KCNK2: variants seen among roughly 807,000 people sequenced by gnomAD.
The protein encoded by KCNK2 is potassium two pore domain channel subfamily K member 2, also known as potassium channel subfamily K member 2.
KCNK2 carries 21 observed loss-of-function variants against 40.5 expected under a neutral mutation model. That is an observed-to-expected ratio of 0.52 (90% CI 0.37 to 0.75). The LOEUF (loss-of-function observed/expected upper bound fraction) is 0.75, where lower values mean the gene tolerates loss of function less well. KCNK2 is among the 30% of genes least tolerant of loss of function. The pLI is 0.00. For synonymous variants in KCNK2, 191 were observed against 202.2 expected, an observed-to-expected ratio of 0.94 and a Z score of 0.47; for missense variants, 399 against 531.6, an observed-to-expected ratio of 0.75 and a Z score of 2.45.
chr1:215,029,581 TATAA>T (rs1449861099), intron 1 of KCNK2, among the ~76,000 whole-genome samples: 1 of 147,032 alleles, frequency 6.8e-6, no homozygotes, highest in Non-Finnish European at 1.5e-5. Flanking sequence ...AATATATAAA[TATAA>T]ATATTTGATA....
At chr1:215,220,496 A>T (rs372291299) in intron 6 of KCNK2, among the ~76,000 whole-genome samples, 7 of 152,250 alleles carry the variant, frequency 4.6e-5, no homozygotes, top group South Asian at 2.1e-4. Context: ...CCTTGAGTAG[A>T]CATTCTTCTC....
chr1:215,235,021 T>A lies in KCNK2; in HGVS notation c.1157T>A (p.Val386Glu), dbSNP rs1180389999. 1 of 1,614,050 alleles carries A rather than the reference T, an allele frequency of 6.2e-7. No homozygotes were observed. Among genetic ancestry groups the A allele is most frequent in the Admixed American group, 1.7e-5 (1 of 60,012 alleles). Residue 386 changes from valine to glutamate, a missense_variant, in exon 7 of 7, where the codon GTG becomes GAG. Physicochemically the swap from Val to Glu is moderately radical, Grantham distance 121. Coordinates refer to ENST00000444842, the MANE Select transcript of KCNK2 (RefSeq NM_001017425.3). Reference protein sequence around the residue: ...ELTPCRRTLSVNHLTSERDVL... With the variant: ...ELTPCRRTLSENHLTSERDVL... Reference sequence around the variant, plus strand: ...ACTCCTTGTAGGAGGACCCTGTCAGTGAACCACCTGACCAGCGAGAGGGAT... The same window carrying A: ...ACTCCTTGTAGGAGGACCCTGTCAGAGAACCACCTGACCAGCGAGAGGGAT...
chr1:215,118,477 T>C (rs1390239174), intron 2 of KCNK2, among the ~76,000 whole-genome samples: 1 of 152,156 alleles, frequency 6.6e-6, no homozygotes, highest in Non-Finnish European at 1.5e-5. Flanking sequence ...TGGTCACATG[T>C]AGTGTTGTGG....
At chr1:215,006,960 C>T (rs1483691074) in intron 1 of KCNK2, among the ~76,000 whole-genome samples, 1 of 137,596 alleles carries the variant, frequency 7.3e-6, no homozygotes, top group African/African-American at 2.8e-5. Context: ...GTTTGTTCCA[C>T]ATTGGAAGGG....
intron 1 of KCNK2, among the ~76,000 whole-genome samples, chr1:215,047,482 T>C (rs1657817158): frequency 6.6e-6 from 1 of 152,072 alleles, no homozygotes; most frequent in African/African-American, 2.4e-5. Flanking sequence ...TAACAGAACC[T>C]AAATTTGAAC....
chr1:215,096,454 G>T (rs1659980501), intron 2 of KCNK2, among the ~76,000 whole-genome samples: 1 of 151,848 alleles, frequency 6.6e-6, no homozygotes, highest in South Asian at 2.1e-4. Flanking sequence ...GGGTGACTGG[G>T]ATATTCATAA....
rs377093417 is a variant in KCNK2, at chr1:215,044,844, TTGA to T, written c.34+38893_34+38895del. 1.1e-3 allele frequency among the ~76,000 whole-genome samples: 161 copies of T among 149,296 alleles called. 5 individuals are homozygous for T. The South Asian group carries it at 0.029, about 27-fold the overall frequency. ...GTGTGTGTGCGCGCGCACACGTGTG[TTGA>T]TGACGAGTTGGCAAGAATTTCTTAA... On this transcript the variant is annotated intron_variant, in intron 1 of 6. Coordinates refer to the KCNK2 transcript ENST00000391895.
intron 6 of KCNK2, among the ~76,000 whole-genome samples, chr1:215,223,303 G>C (rs1254536829): frequency 2.0e-5 from 3 of 147,738 alleles, no homozygotes; most frequent in Non-Finnish European, 3.0e-5. Context: ...TGAGTTGGCT[G>C]TTGGTAATTG....
intron 5 of KCNK2, among the ~76,000 whole-genome samples, chr1:215,187,524 C>T (rs928799973): frequency 4.8e-5 from 7 of 144,874 alleles, no homozygotes; most frequent in Non-Finnish European, 7.4e-5. Context: ...TCTTCTTTTA[C>T]AAAGGTCCAA....
intron 2 of KCNK2, among the ~76,000 whole-genome samples, chr1:215,113,179 A>G (rs1450057706): frequency 1.3e-5 from 2 of 152,204 alleles, no homozygotes; most frequent in East Asian, 3.9e-4. Flanking sequence ...TAAAATGTTC[A>G]CCGACGTTCA....
At chr1:215,230,066 TAG>T (rs1194522552) in intron 6 of KCNK2, among the ~76,000 whole-genome samples, 1 of 137,610 alleles carries the variant, frequency 7.3e-6, no homozygotes, top group Non-Finnish European at 1.5e-5. Flanking sequence ...GATATATATA[TAG>T]ATATATATAT....
At chr1:215,037,244 T>G (rs1657419905) in intron 1 of KCNK2, among the ~76,000 whole-genome samples, 1 of 151,936 alleles carries the variant, frequency 6.6e-6, no homozygotes, top group South Asian at 2.1e-4. Flanking sequence ...TGATTAAGAA[T>G]GATTGGTGAA....
chr1:215,076,835 C>T (rs1282467219), intron 1 of KCNK2, among the ~76,000 whole-genome samples: 1 of 152,190 alleles, frequency 6.6e-6, no homozygotes, highest in Admixed American at 6.5e-5. Context: ...CTATTTCTTG[C>T]ATTGCAATGT....
At chr1:215,007,029 A>G (rs371617263) in intron 1 of KCNK2, among the ~76,000 whole-genome samples, 5,741 of 68,148 alleles carry the variant, frequency 0.084, 453 homozygotes, top group Middle Eastern at 0.18. Context: ...ATATATATAT[A>G]TATATATATG....
intron 6 of KCNK2, among the ~76,000 whole-genome samples, chr1:215,203,726 A>G (rs1043576080): frequency 1.3e-5 from 2 of 152,064 alleles, no homozygotes; most frequent in African/African-American, 4.8e-5. Context: ...ATAGCCTAGT[A>G]AAAAAATGAA....
intron 2 of KCNK2, among the ~76,000 whole-genome samples, chr1:215,116,326 AT>A (rs956172141): frequency 5.9e-5 from 9 of 151,720 alleles, no homozygotes; most frequent in East Asian, 1.9e-4. Flanking sequence ...ACCGTGACTG[AT>A]TTTTTTTCTT....
upstream of KCNK2, among the ~76,000 whole-genome samples, chr1:215,081,431 A>G (rs768980390): frequency 6.6e-6 from 1 of 152,142 alleles, no homozygotes; most frequent in Non-Finnish European, 1.5e-5. Flanking sequence ...TTTTGAGCAC[A>G]TAAGTTGAGA....
chr1:215,023,451 A>G (rs951348566), intron 1 of KCNK2, among the ~76,000 whole-genome samples: 1 of 152,202 alleles, frequency 6.6e-6, no homozygotes, highest in Admixed American at 6.5e-5. Context: ...TCACTTCAAC[A>G]TCATTTTATA....
At chr1:215,067,469 T>A (rs907841307) in intron 1 of KCNK2, among the ~76,000 whole-genome samples, 1 of 152,068 alleles carries the variant, frequency 6.6e-6, no homozygotes, top group Non-Finnish European at 1.5e-5. Context: ...ATACTCCCAA[T>A]AATATGTGAT....
Sources: allele counts gnomAD v4.1 joint callset (sites outside exome capture counted in the v4.1 genomes callset), GRCh38; gene constraint gnomAD v4.1.1; transcripts MANE v1.5; gene names NCBI Gene and HGNC (gene_info 2026-07-23, HGNC 2026-07-21).